SUFU: variants seen among roughly 807,000 people sequenced by gnomAD.
SUFU encodes suppressor of fused homolog.
SUFU carries 7 observed loss-of-function variants against 58.9 expected under a neutral mutation model. The observed-to-expected ratio is 0.12, with a 90% CI of 0.07 to 0.22. SUFU has a LOEUF of 0.22. Ranked by LOEUF, SUFU falls within the 10% of genes least tolerant of loss-of-function variation. The pLI, the probability that SUFU is intolerant of heterozygous loss-of-function variation, is 1.00. For missense variants in SUFU, 451 were observed against 641.3 expected (o/e 0.70, Z 3.20); for synonymous variants, 232 against 254.8 (o/e 0.91, Z 0.85).
At chr10:102,563,075 C>A (rs1163724541) in intron 3 of SUFU, among the ~76,000 whole-genome samples, 2 of 152,158 alleles carry the variant, frequency 1.3e-5, no homozygotes, top group Non-Finnish European at 2.9e-5. Context: ...AAGAGCAAGC[C>A]TCCAGGGACA....
In SUFU at chr10:102,591,908, C is replaced by T. The variant is rs148116049; in HGVS notation, c.455-674C>T. 1.8e-3 allele frequency among the ~76,000 whole-genome samples: 271 copies of T among 152,254 alleles called. 1 individual carries two copies. The highest frequency in any genetic ancestry group is 3.1e-3 in the Non-Finnish European group (214 of 68,006). On this transcript the variant is annotated intron_variant, in intron 3 of 11. Transcript: ENST00000369902. ...GAGCCTGTGTGTGAGGAGGCTATGC[C>T]CTCATGGCAACAGCTACCCTTGGCA...
intron 3 of SUFU, among the ~76,000 whole-genome samples, chr10:102,560,639 G>A (rs1440476489): frequency 6.6e-6 from 1 of 152,070 alleles, no homozygotes; most frequent in Non-Finnish European, 1.5e-5. Context: ...TTTTCACCTT[G>A]CTTTTTTAAC....
intron 3 of SUFU, among the ~76,000 whole-genome samples, chr10:102,556,128 G>A (rs1235579519): frequency 2.0e-5 from 3 of 152,184 alleles, no homozygotes; most frequent in Non-Finnish European, 1.5e-5. Flanking sequence ...AAGGCAGTGG[G>A]AGGCGAATGA....
chr10:102,598,736 T>C (rs1476208815), intron 7 of SUFU, among the ~76,000 whole-genome samples: 1 of 152,238 alleles, frequency 6.6e-6, no homozygotes, highest in African/African-American at 2.4e-5. Flanking sequence ...TTTAATTTGC[T>C]TTTTTGTATC....
chr10:102,558,680 G>A (rs752924205), intron 3 of SUFU, among the ~76,000 whole-genome samples: 9 of 152,208 alleles, frequency 5.9e-5, no homozygotes, highest in Non-Finnish European at 1.2e-4. Flanking sequence ...GAATAGGAGG[G>A]AAGTCCTCTA....
chr10:102,535,638 C>T (rs1402239023), intron 2 of SUFU, among the ~76,000 whole-genome samples: 1 of 152,196 alleles, frequency 6.6e-6, no homozygotes, highest in Admixed American at 6.5e-5. Context: ...TCTTCCCTTT[C>T]TTCTGATACC....
chr10:102,602,433 G>A (rs1207535347), intron 8 of SUFU, among the ~76,000 whole-genome samples: 2 of 152,140 alleles, frequency 1.3e-5, no homozygotes, highest in Non-Finnish European at 2.9e-5. Context: ...TGGCACCAAG[G>A]ACAAGGCCAA....
rs535160200 is a variant in SUFU at position 102,623,153 on chromosome 10, G to T, written c.1297-4022G>T. ...GAGGGTCTTCCTCTCTTACTAGAGG[G>T]TCTCCTCCCTCTGAGGGCTGTTTGT... On this transcript the variant is annotated intron_variant, in intron 10 of 11. Transcript: ENST00000369902. Among the ~76,000 whole-genome samples the T allele has an allele frequency of 4.6e-5, 7 of 152,284 alleles. 1 individual carries two copies. The East Asian group carries it at 7.7e-4, about 17-fold the overall frequency.
intron 2 of SUFU, among the ~76,000 whole-genome samples, chr10:102,530,856 T>A (rs1279936333): frequency 6.6e-6 from 1 of 152,130 alleles, no homozygotes. Flanking sequence ...AGCAACCTTA[T>A]GTCCAACAAG....
intron 3 of SUFU, among the ~76,000 whole-genome samples, chr10:102,565,229 G>A (rs1459520715): frequency 6.6e-6 from 1 of 152,136 alleles, no homozygotes; most frequent in African/African-American, 2.4e-5. Flanking sequence ...TTTATCTCTG[G>A]CCGTTCACTG....
intron 3 of SUFU, among the ~76,000 whole-genome samples, chr10:102,578,878 G>GA (rs80146358): frequency 2.5e-4 from 36 of 145,654 alleles, no homozygotes; most frequent in African/African-American, 2.5e-4. Flanking sequence ...CTCAAAGGGA[G>GA]AAAAAAAAAA....
intron 2 of SUFU, among the ~76,000 whole-genome samples, chr10:102,531,288 A>G (rs2062675326): frequency 6.6e-6 from 1 of 152,098 alleles, no homozygotes; most frequent in Non-Finnish European, 1.5e-5. Flanking sequence ...GTAATTTCTT[A>G]ATTGTGTAAA....
chr10:102,518,973 A>G (rs1162736991), intron 2 of SUFU, among the ~76,000 whole-genome samples: 1 of 151,244 alleles, frequency 6.6e-6, no homozygotes, highest in African/African-American at 2.4e-5. Context: ...CCCCGTCTCT[A>G]CTAAAAAAAT....
intron 2 of SUFU, among the ~76,000 whole-genome samples, chr10:102,540,883 G>A (rs9665632): frequency 0.35 from 52,804 of 151,440 alleles, 9,368 homozygotes; most frequent in African/African-American, 0.39. Context: ...TTAGCTGGCC[G>A]TGATGGTGTG....
Position 102,625,077 on chromosome 10 carries a change from A to C in SUFU, c.1297-2098A>C, listed in dbSNP as rs918624527. On this transcript the variant is annotated intron_variant, in intron 10 of 11. Transcript: ENST00000369902. This position sits in a 1 kb window ranked among gnomAD's most constrained non-coding sequence, Gnocchi z 4.7. ...AACGAGCCCCGGAAATGCCAAAAAT[A>C]TGAATGTAACTTTTGTATTGCTTGA... Among the ~76,000 whole-genome samples, 2 of 152,364 alleles carry C rather than the reference A, an allele frequency of 1.3e-5. No homozygotes were observed. Among genetic ancestry groups the C allele is most frequent in the Non-Finnish European group, 1.5e-5 (1 of 68,038 alleles).
intron 3 of SUFU, among the ~76,000 whole-genome samples, chr10:102,553,500 A>G (rs906687185): frequency 2.7e-5 from 4 of 147,658 alleles, no homozygotes; most frequent in African/African-American, 5.0e-5. Context: ...GTCTCGCTCT[A>G]TTGCCCAGGC....
intron 3 of SUFU, among the ~76,000 whole-genome samples, chr10:102,569,897 T>TGA (rs1253240647): frequency 1.3e-5 from 2 of 152,220 alleles, no homozygotes; most frequent in Non-Finnish European, 2.9e-5. Context: ...TAACTGGAAA[T>TGA]ATTCTAGTTT....
intron 2 of SUFU, among the ~76,000 whole-genome samples, chr10:102,517,944 C>T (rs994007071): frequency 6.6e-6 from 1 of 152,042 alleles, no homozygotes; most frequent in African/African-American, 2.4e-5. Flanking sequence ...CGAGCGCCTG[C>T]CCTTAAAAAT....
chr10:102,630,493 T>C lies in SUFU; in HGVS notation c.*338T>C. The C allele has an allele frequency of 2.2e-6, 1 of 454,710 alleles. No individual in the cohort carries two copies. Among genetic ancestry groups the C allele is most frequent in the South Asian group, 2.1e-5 (1 of 47,312 alleles). The allele number at this position is 454,710 out of a possible 1,614,324, so 28.2% of individuals were successfully genotyped here. ...GTGCCCCTAGGTGGAGACAGCCCTC[T>C]TTCTCACCTACCCCCTGCCGCACAG... On this transcript the variant is annotated 3_prime_UTR_variant, in exon 12 of 12. Transcript: ENST00000369902.
Sources: allele counts gnomAD v4.1 joint callset (sites outside exome capture counted in the v4.1 genomes callset), GRCh38; gene constraint gnomAD v4.1.1; non-coding constraint Gnocchi (gnomAD v3.1); transcripts MANE v1.5; gene names NCBI Gene and HGNC (gene_info 2026-07-23, HGNC 2026-07-21).